The following CTR9 variants were observed in gnomAD, a reference collection of about 807,000 sequenced individuals.
CTR9 encodes the protein RNA polymerase-associated protein CTR9 homolog.
CTR9 carries 41 observed loss-of-function variants against 152.1 expected under a neutral mutation model. The observed-to-expected ratio is 0.27, with a 90% CI of 0.21 to 0.35. The LOEUF (loss-of-function observed/expected upper bound fraction) is 0.35. CTR9 is among the 10% of genes least tolerant of loss of function. CTR9 has a pLI of 1.00. For missense variants in CTR9, 917 were observed against 1,424.4 expected, an observed-to-expected ratio of 0.64 and a Z score of 5.73; for synonymous variants, 476 against 496.2, an observed-to-expected ratio of 0.96 and a Z score of 0.54.
At chr11:10,761,821 C>A in intron 6 of CTR9, 126 bp from the exon 7 acceptor site, 1 of 522,142 alleles carries the variant, frequency 1.9e-6, no homozygotes, top group Non-Finnish European at 3.4e-6. Context: ...TCATAAGAAG[C>A]TTCTAATCCG....
intron 13 of CTR9, 56 bp downstream of exon 13, chr11:10,766,546 C>A: frequency 7.6e-7 from 1 of 1,322,338 alleles, no homozygotes; most frequent in South Asian, 1.4e-5. Flanking sequence ...TTTCCTTCCC[C>A]ATAAATCAGT....
At position 10,767,449 on chromosome 11, in the gene CTR9, A is replaced by G; in HGVS notation, c.1687-357A>G. The G allele has an allele frequency of 5.4e-6, 1 of 184,268 alleles. No individual in the cohort carries two copies. The highest frequency in any genetic ancestry group is 1.2e-5 in the Non-Finnish European group (1 of 86,936). The allele number at this position is 184,268 out of a possible 1,614,324, so 11.4% of individuals were successfully genotyped here. On this transcript the variant is annotated intron_variant, in intron 13 of 24. Coordinates refer to ENST00000361367, the MANE Select transcript of CTR9 (RefSeq NM_014633.5). This position sits in a 1 kb window ranked among gnomAD's most constrained non-coding sequence, Gnocchi z 4.0. Reference sequence around the variant, plus strand: ...TGCAGTAACTATTGCTGTTTTATTTAACAGTGCCTTGTTGCTTTGTATGCA... The same window carrying G: ...TGCAGTAACTATTGCTGTTTTATTTGACAGTGCCTTGTTGCTTTGTATGCA...
chr11:10,757,764 A>G (rs1564965693), intron 5 of CTR9, among the ~76,000 whole-genome samples: 1 of 152,210 alleles, frequency 6.6e-6, no homozygotes, highest in Non-Finnish European at 1.5e-5. Context: ...CATGGAGTCC[A>G]GTTTTCAGTG....
In CTR9 at chr11:10,761,958, T is replaced by TA. The variant is rs1162648622; in HGVS notation, c.758dup (p.Asn253LysfsTer13). ...ATGTTTTCTTTTAGGCTGATTCCAT[T>TA]AAAAATGGTGTCCAGCTTCTTTCCA... On this transcript the variant is annotated frameshift_variant, in exon 7 of 25. Coordinates refer to ENST00000361367, the MANE Select transcript of CTR9 (RefSeq NM_014633.5). LOFTEE classifies it high-confidence loss of function. 3.1e-6 allele frequency: 5 copies of TA among 1,606,286 alleles called. No homozygotes were observed. Among genetic ancestry groups the TA allele is most frequent in the Non-Finnish European group, 4.3e-6 (5 of 1,176,260 alleles).
At chr11:10,775,817 A>G (rs1863225072) in intron 24 of CTR9, among the ~76,000 whole-genome samples, 184 bp downstream of exon 24, 1 of 152,230 alleles carries the variant, frequency 6.6e-6, no homozygotes, top group South Asian at 2.1e-4. Flanking sequence ...CTGTGCCGAA[A>G]TGGCTTCTCC....
intron 6 of CTR9, among the ~76,000 whole-genome samples, chr11:10,761,716 T>G (rs1862981095): frequency 6.6e-6 from 1 of 151,732 alleles, no homozygotes; most frequent in Non-Finnish European, 1.5e-5. Flanking sequence ...AAGCAAGAAC[T>G]GAACAAGAAA....
At chr11:10,769,296 G>T (rs536873040) in intron 16 of CTR9, among the ~76,000 whole-genome samples, 6 of 152,278 alleles carry the variant, frequency 3.9e-5, no homozygotes, top group Non-Finnish European at 1.5e-5. Context: ...GCTTACATTT[G>T]TTGAGTGCTT....
In CTR9 at chr11:10,775,417, T is replaced by C. The variant is rs1045231814; in HGVS notation, c.2983-104T>C. 2.3e-5 allele frequency: 32 copies of C among 1,371,346 alleles called. No homozygotes were observed. In the Admixed American group the frequency reaches 3.9e-4, roughly 17 times the overall value. The allele number at this position is 1,371,346 out of a possible 1,614,324, so 84.9% of individuals were successfully genotyped here. On this transcript the variant is annotated intron_variant, in intron 23 of 24. Transcript: ENST00000361367. ...CAAGCACAAATGCTTGTTTTCAAAG[T>C]TCATCAGTGGCTGTTTGATTGTATC...
intron 16 of CTR9, among the ~76,000 whole-genome samples, chr11:10,768,959 A>G (rs2135376543): frequency 6.6e-6 from 1 of 152,314 alleles, no homozygotes; most frequent in African/African-American, 2.4e-5. Context: ...TACTCCTGTA[A>G]TCCCAGCACT....
chr11:10,757,325 C>G (rs1270559335), intron 5 of CTR9, among the ~76,000 whole-genome samples: 1 of 150,504 alleles, frequency 6.6e-6, no homozygotes, highest in Non-Finnish European at 1.5e-5. Context: ...TGCACTGGTT[C>G]ACACCTGTAA....
In CTR9 at chr11:10,764,646, C is replaced by A. The variant is rs369332374; in HGVS notation, c.1512C>A (p.Ala504=). The A allele has an allele frequency of 6.2e-7, 1 of 1,613,448 alleles. No individual in the cohort carries two copies. The highest frequency in any genetic ancestry group is 1.3e-5 in the African/African-American group (1 of 74,866). ...CCGTTACCACGTCATATAATCTCGC[C>A]AGGCTATATGAGGCGATGTGTGAAT... ...AISVTTSYNL[A]RLYEAMCEFH... The change falls in exon 12 of 25, where the codon GCC becomes GCA. Residue 504 remains alanine, a synonymous_variant. Transcript: ENST00000361367.
intron 16 of CTR9, among the ~76,000 whole-genome samples, chr11:10,769,829 A>G (rs1377109555): frequency 6.6e-6 from 1 of 152,208 alleles, no homozygotes; most frequent in East Asian, 1.9e-4. Context: ...ATTGTTAAGA[A>G]AGGTGTAGAT....
Position 10,766,227 on chromosome 11 carries a change from CA to C in CTR9, c.1598-171del, listed in dbSNP as rs374013710. On this transcript the variant is annotated intron_variant, in intron 12 of 24. Transcript: ENST00000361367. ...TTCAAACAGTAAGTCTAGATGGTGA[CA>C]AAATTATTCTTTAACTTGTTGGATG... The C allele has an allele frequency of 2.5e-3, 1,506 of 593,240 alleles. 17 individuals carry two copies. The African/African-American group carries it at 0.027, about 11-fold the overall frequency. The allele number at this position is 593,240 out of a possible 1,614,324, so 36.7% of individuals were successfully genotyped here.
rs752999844 is a variant in CTR9 at position 10,763,793 on chromosome 11, G to A, written c.1108G>A (p.Ala370Thr). 3 of 1,613,806 alleles carry A rather than the reference G, an allele frequency of 1.9e-6. No homozygotes were observed. In the Admixed American group the frequency reaches 5.0e-5, roughly 27 times the overall value. Residue 370 changes from alanine (A) to threonine (T), a missense_variant, in exon 9 of 25, where the codon GCT becomes ACT. Around this residue, in one of 9 missense-constraint regions of CTR9, gnomAD observed 133 missense variants for 244.1 expected, o/e 0.54. Coordinates refer to ENST00000361367, the MANE Select transcript of CTR9 (RefSeq NM_014633.5). ...TCAGTGCTTTGAGAAGGTTTTGAAA[G>A]CTTATCCTAATAATTACGAAACTAT... is the stretch of plus-strand genomic sequence containing the variant. ...ASQCFEKVLK[A>T]YPNNYETMKI...
At chr11:10,776,971 G>GAAAAA (rs11326865) in intron 24 of CTR9, among the ~76,000 whole-genome samples, 5 of 63,252 alleles carry the variant, frequency 7.9e-5, no homozygotes, top group Admixed American at 5.4e-4. Context: ...AGACTCTTGT[G>GAAAAA]AAAAAAAAAA....
Position 10,772,653 on chromosome 11 carries a change from C to A in CTR9, c.2578C>A (p.Gln860Lys), listed in dbSNP as rs1182197389. 6.3e-7 allele frequency: 1 copy of A among 1,597,334 alleles called. No individual in the cohort carries two copies. The highest frequency in any genetic ancestry group is 2.2e-5 in the East Asian group (1 of 44,486). The change falls in exon 20 of 25, where the codon CAG becomes AAG. Residue 860 changes from glutamine to lysine, a missense_variant and splice_region_variant. Coordinates refer to ENST00000361367, the MANE Select transcript of CTR9 (RefSeq NM_014633.5). The stretch of plus-strand genomic sequence containing the variant: ...GTTAAGGCAGAAACTTCTTAAAGAA[C>A]AGGTATCTTGTATTTTCCAGTTATA... The part of the protein sequence containing the change: ...ELLRQKLLKE[Q>K]EEKRLREKEE...
At chr11:10,756,619 T>C in intron 4 of CTR9, 130 bp from the exon 5 acceptor site, 1 of 575,000 alleles carries the variant, frequency 1.7e-6, no homozygotes, top group Non-Finnish European at 2.9e-6. Flanking sequence ...ATTTTTAATA[T>C]GAAATTTTGT....
intron 9 of CTR9, 41 bp from the exon 10 acceptor site, chr11:10,764,071 A>G (rs371424012): frequency 3.6e-4 from 573 of 1,587,680 alleles, no homozygotes; most frequent in South Asian, 4.4e-4. Flanking sequence ...TTGACAACCT[A>G]TAGATGGAAT....
intron 16 of CTR9, 85 bp from the exon 17 acceptor site, chr11:10,770,125 T>A: frequency 1.1e-6 from 1 of 944,858 alleles, no homozygotes; most frequent in Non-Finnish European, 1.6e-6. Flanking sequence ...TACAGAGCTT[T>A]AAAATTGCAA....
Sources: gnomAD v4.1 joint callset for allele counts (sites outside exome capture counted in the v4.1 genomes callset) on GRCh38, gnomAD v4.1.1 for gene constraint, gnomAD v4.1.1 regional missense constraint, Gnocchi (gnomAD v3.1) non-coding constraint, MANE v1.5 for transcripts, NCBI Gene and HGNC (gene_info 2026-07-23, HGNC 2026-07-21) for gene names.